The following LRRC49 variants were observed in gnomAD, a reference collection of about 807,000 sequenced individuals.
LRRC49 encodes leucine-rich repeat-containing protein 49.
Under a neutral mutation model 83.3 loss-of-function variants are expected in LRRC49, and 50 were observed. The observed-to-expected ratio is 0.60, with a 90% CI of 0.48 to 0.76. The LOEUF (loss-of-function observed/expected upper bound fraction) is 0.76, where lower values mean the gene tolerates loss of function less well. Ranked by LOEUF, LRRC49 falls within the 30% of genes least tolerant of loss-of-function variation. LRRC49 has a pLI of 0.00. For missense variants in LRRC49, 704 were observed against 809.1 expected (o/e 0.87, Z 1.58); for synonymous variants, 286 against 283.3 (o/e 1.01, Z -0.10).
At chr15:70,993,409 G>A (rs753463779) in intron 11 of LRRC49, among the ~76,000 whole-genome samples, 1 of 152,166 alleles carries the variant, frequency 6.6e-6, no homozygotes, top group Non-Finnish European at 1.5e-5. Context: ...TGTCCAACAA[G>A]CCCCAGTAAG....
intron 14 of LRRC49, among the ~76,000 whole-genome samples, chr15:71,013,347 A>G (rs2038721330): frequency 6.6e-6 from 1 of 152,226 alleles, no homozygotes; most frequent in Non-Finnish European, 1.5e-5. Flanking sequence ...GATGATTATG[A>G]ATAAATGATA....
chr15:70,913,828 G>A (rs2034650300), intron 6 of LRRC49, among the ~76,000 whole-genome samples: 1 of 152,044 alleles, frequency 6.6e-6, no homozygotes, highest in African/African-American at 2.4e-5. Flanking sequence ...TTAAGAGTTT[G>A]TGAGTACTAC....
chr15:70,855,150 G>A (rs1381022205), intron 1 of LRRC49, among the ~76,000 whole-genome samples: 1 of 152,010 alleles, frequency 6.6e-6, no homozygotes, highest in East Asian at 1.9e-4. Flanking sequence ...TGGCCAACAT[G>A]GTGAAACCCT....
At chr15:70,872,440 G>A (rs1003569615) in intron 1 of LRRC49, among the ~76,000 whole-genome samples, 9 of 152,030 alleles carry the variant, frequency 5.9e-5, no homozygotes, top group Middle Eastern at 6.8e-3. Flanking sequence ...GAGGGCGAGG[G>A]GGAGGGAGAG....
chr15:70,861,476 T>G, intron 1 of LRRC49, among the ~76,000 whole-genome samples: 1 of 143,232 alleles, frequency 7.0e-6, no homozygotes, highest in East Asian at 2.0e-4. Context: ...TGAATGGAAG[T>G]CGGGTCATTG....
chr15:70,944,339 G>A (rs1206114721), intron 8 of LRRC49, among the ~76,000 whole-genome samples: 1 of 152,106 alleles, frequency 6.6e-6, no homozygotes, highest in Non-Finnish European at 1.5e-5. Context: ...TAAACAAATG[G>A]CTCCACATTT....
chr15:70,857,261 G>A (rs1197491662), intron 1 of LRRC49, among the ~76,000 whole-genome samples: 1 of 152,114 alleles, frequency 6.6e-6, no homozygotes, highest in African/African-American at 2.4e-5. Flanking sequence ...GGAATCAATT[G>A]GAAATATTTT....
chr15:70,996,136 G>C (rs1000590212), intron 11 of LRRC49, among the ~76,000 whole-genome samples: 1 of 152,034 alleles, frequency 6.6e-6, no homozygotes, highest in Non-Finnish European at 1.5e-5. Context: ...AGCAAGTTGA[G>C]TAGCCACAGA....
chr15:70,889,372 A>C (rs1567036719), upstream of LRRC49, among the ~76,000 whole-genome samples: 1 of 152,108 alleles, frequency 6.6e-6, no homozygotes, highest in Non-Finnish European at 1.5e-5. Flanking sequence ...CCCCCCAAAA[A>C]AAAGCAAACT....
intron 9 of LRRC49, among the ~76,000 whole-genome samples, chr15:70,976,209 A>G (rs2037200722): frequency 6.6e-6 from 1 of 152,190 alleles, no homozygotes; most frequent in South Asian, 2.1e-4. Flanking sequence ...TTAACAGCTA[A>G]TATCCCTGGA....
At chr15:70,854,045 G>A in intron 1 of LRRC49, 2 of 1,428,174 alleles carry the variant, frequency 1.4e-6, no homozygotes. Context: ...GATCTGCACC[G>A]CCGTCTTGGG....
chr15:70,947,590 TG>T (rs1327754730), intron 8 of LRRC49, among the ~76,000 whole-genome samples: 2 of 152,216 alleles, frequency 1.3e-5, no homozygotes, highest in Non-Finnish European at 2.9e-5. Flanking sequence ...CTGATTGCTC[TG>T]GCAAAAGGTT....
At chr15:70,996,167 A>G (rs1332149298) in intron 11 of LRRC49, among the ~76,000 whole-genome samples, 1 of 152,184 alleles carries the variant, frequency 6.6e-6, no homozygotes, top group African/African-American at 2.4e-5. Context: ...ATATGAAGGT[A>G]GAAAAATAAA....
intron 11 of LRRC49, among the ~76,000 whole-genome samples, chr15:71,002,939 CTTT>C (rs35998597): frequency 1.9e-4 from 8 of 43,022 alleles, no homozygotes; most frequent in East Asian, 8.8e-4. Flanking sequence ...ATTTTCTGGC[CTTT>C]TTTTTTTTTT....
chr15:70,951,569 T>C (rs1440348045), intron 8 of LRRC49, among the ~76,000 whole-genome samples: 3 of 152,132 alleles, frequency 2.0e-5, no homozygotes, highest in Non-Finnish European at 2.9e-5. Flanking sequence ...CTAGACATTA[T>C]TGGTGTATAG....
intron 9 of LRRC49, among the ~76,000 whole-genome samples, chr15:70,974,062 G>C (rs547684562): frequency 1.3e-5 from 2 of 152,096 alleles, no homozygotes; most frequent in Non-Finnish European, 2.9e-5. Context: ...GGGAGTTGGA[G>C]GTTGCGGTGA....
intron 8 of LRRC49, among the ~76,000 whole-genome samples, chr15:70,943,115 A>G (rs575040533): frequency 6.6e-6 from 1 of 151,056 alleles, no homozygotes; most frequent in Non-Finnish European, 1.5e-5. Flanking sequence ...AGGATTATTG[A>G]GTTTTGTTTT....
At chr15:70,936,257 A>G (rs2141157287) in intron 7 of LRRC49, among the ~76,000 whole-genome samples, 1 of 152,228 alleles carries the variant, frequency 6.6e-6, no homozygotes, top group Middle Eastern at 3.4e-3. Flanking sequence ...TTATGGGGGA[A>G]TCATTAGTGT....
At chr15:70,918,540 A>G (rs2034881309) in intron 6 of LRRC49, 1 of 152,262 alleles carries the variant, frequency 6.6e-6, no homozygotes, top group African/African-American at 2.4e-5. Flanking sequence ...CTCATCTTCT[A>G]CTGGGAATCC....
Sources: allele counts gnomAD v4.1 joint callset (sites outside exome capture counted in the v4.1 genomes callset), GRCh38; gene constraint gnomAD v4.1.1; transcripts MANE v1.5; gene names NCBI Gene and HGNC (gene_info 2026-07-23, HGNC 2026-07-21).